The following FGD4 variants were observed in gnomAD, a reference collection of about 807,000 sequenced individuals.
The protein encoded by FGD4 is FYVE, RhoGEF and PH domain containing 4.
Under a neutral mutation model 102.0 loss-of-function variants are expected in FGD4, and 42 were observed. That is an observed-to-expected ratio of 0.41 (90% CI 0.32 to 0.53). FGD4 has a LOEUF of 0.53. Ranked by LOEUF, FGD4 falls within the 20% of genes least tolerant of loss-of-function variation. The pLI is 0.21. For missense variants in FGD4, 902 were observed against 1,078.2 expected, an observed-to-expected ratio of 0.84 and a Z score of 2.29; for synonymous variants, 380 against 375.7, an observed-to-expected ratio of 1.01 and a Z score of -0.13.
intron 1 of FGD4, among the ~76,000 whole-genome samples, chr12:32,555,443 G>T (rs1414955261): frequency 1.3e-5 from 2 of 152,074 alleles, no homozygotes; most frequent in Non-Finnish European, 2.9e-5. Context: ...GGTGAGGTCT[G>T]CAGTAGAGAT....
In FGD4 at chr12:32,518,377, C is replaced by T. The variant is rs143873280; in HGVS notation, c.167-45760C>T. Among the ~76,000 whole-genome samples the T allele has an allele frequency of 2.0e-3, 307 of 152,262 alleles. 2 individuals carry two copies. The highest frequency in any genetic ancestry group is 7.1e-3 in the African/African-American group (296 of 41,544). ...CCGGTAATCACAGCTACTTGGGAGG[C>T]TGAGGCAGGACAATCGCTTGAACCC... is the stretch of plus-strand genomic sequence containing the variant. On this transcript the variant is annotated intron_variant, in intron 1 of 16. Transcript: ENST00000534526.
rs140937875 is a variant in FGD4 at position 32,603,294 on chromosome 12, T to C, written c.1404+977T>C. 2.7e-3 allele frequency among the ~76,000 whole-genome samples: 409 copies of C among 152,362 alleles called. 1 individual carries two copies. The highest frequency in any genetic ancestry group is 9.1e-3 in the African/African-American group (377 of 41,592). On this transcript the variant is annotated intron_variant, in intron 7 of 16. Transcript: ENST00000534526. ...TGTCAGTCTTTGTCTGGGACTACACTTATTTTTTCTTGACTTTTGAATGAA... is the reference window on the plus strand; with the variant it reads ...TGTCAGTCTTTGTCTGGGACTACACCTATTTTTTCTTGACTTTTGAATGAA...
chr12:32,453,212 ATATATATAATATAGATATATATATATTT>A (rs1942844783), intron 1 of FGD4, among the ~76,000 whole-genome samples: 3 of 55,616 alleles, frequency 5.4e-5, no homozygotes, highest in South Asian at 1.1e-3. Context: ...ATATATATAT[ATATATATAATATAGATATATATATATTT>A]TTTTTTTTTT....
At chr12:32,416,130 G>T (rs1039223288) in intron 1 of FGD4, among the ~76,000 whole-genome samples, 13 of 152,156 alleles carry the variant, frequency 8.5e-5, no homozygotes, top group African/African-American at 3.1e-4. Flanking sequence ...AAGTAAAGTA[G>T]CTGGGACTAC....
intron 1 of FGD4, among the ~76,000 whole-genome samples, chr12:32,537,109 C>G (rs532170619): frequency 6.6e-6 from 1 of 152,012 alleles, no homozygotes; most frequent in Admixed American, 6.6e-5. Flanking sequence ...AGGGTTTCAC[C>G]GTGTTAGCCA....
intron 1 of FGD4, among the ~76,000 whole-genome samples, chr12:32,406,427 G>A (rs1227558045): frequency 1.3e-5 from 2 of 151,756 alleles, no homozygotes; most frequent in Admixed American, 6.6e-5. Flanking sequence ...GGTGGTGGGC[G>A]CCTGTAATCC....
chr12:32,552,944 ATTTTTTTT>A (rs71068326), intron 1 of FGD4, among the ~76,000 whole-genome samples: 53 of 123,882 alleles, frequency 4.3e-4, no homozygotes, highest in African/African-American at 1.6e-3. Context: ...CGCCTGGCTA[ATTTTTTTT>A]TTTTTTTTTT....
chr12:32,597,104 T>C (rs889994110), intron 4 of FGD4, among the ~76,000 whole-genome samples: 2 of 152,232 alleles, frequency 1.3e-5, no homozygotes, highest in African/African-American at 4.8e-5. Context: ...TTGGAAATAC[T>C]GTTTCTTTTT....
intron 1 of FGD4, among the ~76,000 whole-genome samples, chr12:32,476,414 G>A (rs578021862): frequency 1.2e-4 from 18 of 152,182 alleles, no homozygotes; most frequent in Non-Finnish European, 2.2e-4. Flanking sequence ...CTGACAGCTC[G>A]ATTAGATTTA....
intron 2 of FGD4, among the ~76,000 whole-genome samples, chr12:32,572,690 G>A (rs1459425283): frequency 6.6e-6 from 1 of 152,084 alleles, no homozygotes; most frequent in African/African-American, 2.4e-5. Context: ...TTGTCTATTT[G>A]ATAAAATTGT....
chr12:32,582,209 T>C lies in FGD4; in HGVS notation c.753T>C (p.Thr251=). ...AAGCTGCCACTCTTAGCTCAGATAC[T>C]TCTATTCAAGCTTCTGAACCCTTGC... ...EEKAATLSSD[T]SIQASEPLLD... Residue 251 remains threonine (T), a synonymous_variant, in exon 4 of 17, where the codon ACT becomes ACC. Transcript: ENST00000534526. 1 of 1,614,222 alleles carries C rather than the reference T, an allele frequency of 6.2e-7. No individual in the cohort carries two copies. The highest frequency in any genetic ancestry group is 8.5e-7 in the Non-Finnish European group (1 of 1,180,042).
At position 32,399,925 on chromosome 12, in the gene FGD4, T is replaced by C; in HGVS notation, c.132T>C (p.Ala44=). 1.3e-6 allele frequency: 2 copies of C among 1,515,922 alleles called. No homozygotes were observed. Among genetic ancestry groups the C allele is most frequent in the Non-Finnish European group, 1.8e-6 (2 of 1,138,350 alleles). 93.9% of individuals were successfully genotyped at this position (1,515,922 alleles called of 1,614,324 possible). A position where few individuals can be genotyped will look rare whatever the true frequency, so the allele number is the denominator to read the frequency against. Residue 44 remains alanine, a synonymous_variant, in exon 1 of 17, where the codon GCT becomes GCC. Transcript: ENST00000534526. ...PASHLGRVGT[A]AFKGQVPSGA... ...CGCACCTGGGACGTGTAGGGACCGC[T>C]GCCTTCAAGGGCCAGGTGCCCTCAG...
At chr12:32,605,350 A>T (rs752936124) in intron 7 of FGD4, among the ~76,000 whole-genome samples, 1 of 151,524 alleles carries the variant, frequency 6.6e-6, no homozygotes, top group South Asian at 2.1e-4. Flanking sequence ...TTTATTTTGT[A>T]ATTAAACACT....
At chr12:32,469,708 G>A (rs1943364810) in intron 1 of FGD4, among the ~76,000 whole-genome samples, 1 of 151,596 alleles carries the variant, frequency 6.6e-6, no homozygotes, top group South Asian at 2.1e-4. Context: ...TGCCCAGGCT[G>A]GAGTGCAATG....
chr12:32,645,029 C>T lies in FGD4; in HGVS notation c.*4496C>T, dbSNP rs1341604891. On this transcript the variant is annotated 3_prime_UTR_variant, in exon 17 of 17. Coordinates refer to ENST00000534526, the MANE Select transcript of FGD4 (RefSeq NM_001370298.3). ...GATAGTTTTAACTTGTTGGGGTCAC[C>T]GGGAGTTATATGATGGTCAACCCCT... 8 of 151,962 alleles carry T rather than the reference C, an allele frequency of 5.3e-5. No individual in the cohort carries two copies. Among genetic ancestry groups the T allele is most frequent in the Non-Finnish European group, 1.0e-4 (7 of 68,018 alleles). 9.4% of individuals were successfully genotyped at this position (151,962 alleles called of 1,614,324 possible). A position where few individuals can be genotyped will look rare whatever the true frequency, so the allele number is the denominator to read the frequency against.
intron 1 of FGD4, among the ~76,000 whole-genome samples, chr12:32,530,860 C>T (rs1017170834): frequency 1.4e-5 from 2 of 145,458 alleles, no homozygotes; most frequent in African/African-American, 5.1e-5. Flanking sequence ...CTACTGTTGA[C>T]AATGAGGAGC....
chr12:32,436,440 CAT>C (rs1380702212), intron 1 of FGD4, among the ~76,000 whole-genome samples: 3 of 152,178 alleles, frequency 2.0e-5, no homozygotes, highest in Non-Finnish European at 1.5e-5. Flanking sequence ...GAAGGCAAAA[CAT>C]GTGGGCATTG....
chr12:32,567,410 T>C (rs961084364), intron 2 of FGD4, among the ~76,000 whole-genome samples: 1 of 152,132 alleles, frequency 6.6e-6, no homozygotes, highest in Non-Finnish European at 1.5e-5. Context: ...CACACTTGCA[T>C]ATCCTCCCCC....
chr12:32,453,210 A>AT lies in FGD4; in HGVS notation c.166+53252dup, dbSNP rs1292536865. On this transcript the variant is annotated intron_variant, in intron 1 of 16. Transcript: ENST00000534526. ...TATTTTATATATATATTATATATAT[A>AT]TATATATATAATATAGATATATATA... Among the ~76,000 whole-genome samples the AT allele has an allele frequency of 1.7e-3, 90 of 53,932 alleles. 2 individuals carry two copies. Among genetic ancestry groups the AT allele is most frequent in the Middle Eastern group, 0.015 (1 of 66 alleles). The allele number at this position is 53,932 out of a possible 152,430, so 35.4% of individuals were successfully genotyped here. A position where few individuals can be genotyped will look rare whatever the true frequency, so the allele number is the denominator to read the frequency against.
Sources: allele counts gnomAD v4.1 joint callset (sites outside exome capture counted in the v4.1 genomes callset), GRCh38; gene constraint gnomAD v4.1.1; transcripts MANE v1.5; gene names NCBI Gene and HGNC (gene_info 2026-07-23, HGNC 2026-07-21).